Variants in RIPOR2 observed in about 807,000 individuals in gnomAD.
The protein encoded by RIPOR2 is RHO family interacting cell polarization regulator 2.
Under a neutral mutation model 114.5 loss-of-function variants are expected in RIPOR2, and 39 were observed. The observed-to-expected ratio is 0.34, with a 90% confidence interval of 0.26 to 0.44. RIPOR2 has a LOEUF of 0.44. Ranked by LOEUF, RIPOR2 falls within the 20% of genes least tolerant of loss-of-function variation. The pLI is 1.00. For missense variants in RIPOR2, 1,007 were observed against 1,255.1 expected, an observed-to-expected ratio of 0.80 and a Z score of 2.99; for synonymous variants, 445 against 484.4, an observed-to-expected ratio of 0.92 and a Z score of 1.07.
chr6:24,808,567 G>C (rs1283545944), intron 21 of RIPOR2, among the ~76,000 whole-genome samples: 1 of 151,964 alleles, frequency 6.6e-6, no homozygotes, highest in African/African-American at 2.4e-5. Context: ...CAATAAATGG[G>C]ATTTTCACAG....
intron 1 of RIPOR2, chr6:25,023,976 C>A: frequency 1.4e-6 from 1 of 734,256 alleles, no homozygotes; most frequent in Non-Finnish European, 2.5e-6. Flanking sequence ...TGGGAGTGAC[C>A]GGGATAGGAA....
intron 1 of RIPOR2, among the ~76,000 whole-genome samples, chr6:24,951,641 A>C (rs1406032404): frequency 6.6e-6 from 1 of 152,186 alleles, no homozygotes; most frequent in Non-Finnish European, 1.5e-5. Context: ...CTAAAAGAAA[A>C]CTGTGTAAGG....
At chr6:24,856,450 C>T (rs564670639) in intron 8 of RIPOR2, among the ~76,000 whole-genome samples, 6 of 152,200 alleles carry the variant, frequency 3.9e-5, no homozygotes, top group Non-Finnish European at 5.9e-5. Flanking sequence ...ATCCAAAGTG[C>T]TCTTTAAAAA....
chr6:24,830,257 C>T (rs994209661), intron 17 of RIPOR2, among the ~76,000 whole-genome samples: 7 of 152,140 alleles, frequency 4.6e-5, no homozygotes, highest in African/African-American at 7.2e-5. Context: ...TGAGCCACTG[C>T]GCCTGGCCAA....
intron 1 of RIPOR2, among the ~76,000 whole-genome samples, chr6:24,918,220 C>T (rs548071547): frequency 1.4e-4 from 22 of 152,160 alleles, no homozygotes; most frequent in Non-Finnish European, 2.5e-4. Context: ...CCTTGTAACT[C>T]GTCTCATTGT....
intron 1 of RIPOR2, among the ~76,000 whole-genome samples, chr6:24,931,373 T>C (rs955246055): frequency 1.3e-5 from 2 of 152,342 alleles, no homozygotes; most frequent in East Asian, 1.9e-4. Flanking sequence ...GAAAAAGTGC[T>C]AACTTACTTG....
At chr6:24,931,294 G>T (rs963878706) in intron 1 of RIPOR2, among the ~76,000 whole-genome samples, 2 of 151,690 alleles carry the variant, frequency 1.3e-5, no homozygotes, top group Admixed American at 1.3e-4. Flanking sequence ...AATTCTTTTT[G>T]TGTGTGTGTG....
intron 1 of RIPOR2, among the ~76,000 whole-genome samples, chr6:25,006,382 G>C (rs961212720): frequency 1.2e-4 from 19 of 152,202 alleles, no homozygotes; most frequent in African/African-American, 4.6e-4. Context: ...GTCTACAGGG[G>C]AAGATAGATC....
upstream of RIPOR2, among the ~76,000 whole-genome samples, chr6:24,939,724 A>G (rs1346872475): frequency 6.6e-6 from 1 of 152,214 alleles, no homozygotes; most frequent in Non-Finnish European, 1.5e-5. Context: ...TGAAACAACA[A>G]TGAAAGAATC....
intron 11 of RIPOR2, among the ~76,000 whole-genome samples, chr6:24,849,062 G>A (rs555743235): frequency 5.9e-4 from 90 of 152,228 alleles, no homozygotes; most frequent in African/African-American, 1.8e-3. Flanking sequence ...CTGCCACAAT[G>A]CCCAGCTAAT....
intron 1 of RIPOR2, among the ~76,000 whole-genome samples, chr6:24,973,574 T>A (rs1177721147): frequency 6.9e-6 from 1 of 144,160 alleles, no homozygotes; most frequent in East Asian, 2.0e-4. Flanking sequence ...TCTAGCCTAG[T>A]GACAGAGTGA....
At chr6:24,904,967 T>A (rs910236234) in intron 1 of RIPOR2, among the ~76,000 whole-genome samples, 1 of 151,942 alleles carries the variant, frequency 6.6e-6, no homozygotes, top group Non-Finnish European at 1.5e-5. Flanking sequence ...TAGAGATGAA[T>A]CTTCACCATG....
chr6:24,825,453 T>C, intron 18 of RIPOR2, 25 bp from the exon 19 acceptor site: 1 of 1,498,804 alleles, frequency 6.7e-7, no homozygotes, highest in Non-Finnish European at 9.1e-7. Context: ...GGAAGGAGAT[T>C]TCATGTTCTG....
At position 24,848,083 on chromosome 6, in the gene RIPOR2, A is replaced by G. The variant is rs562440381; in HGVS notation, c.1106T>C (p.Met369Thr). 4 of 1,613,932 alleles carry G rather than the reference A, an allele frequency of 2.5e-6. No homozygotes were observed. Among genetic ancestry groups the G allele is most frequent in the East Asian group, 2.2e-5 (1 of 44,864 alleles). ...GNKAAALQRR[M>T]SMYSQGTPET... is the part of the protein sequence containing the mutation. Reference sequence around the variant, plus strand: ...CGGGGTACCCTGGCTGTACATGGACATTCTCCTCTGAAGGGCTGCTGCCTT... The same window carrying G: ...CGGGGTACCCTGGCTGTACATGGACGTTCTCCTCTGAAGGGCTGCTGCCTT... The change falls in exon 12 of 22, where the codon ATG becomes ACG. Residue 369 changes from methionine (M) to threonine (T), a missense_variant. Transcript: ENST00000643898.
At chr6:24,926,065 G>A (rs1478528828) in intron 1 of RIPOR2, among the ~76,000 whole-genome samples, 2 of 152,048 alleles carry the variant, frequency 1.3e-5, no homozygotes, top group East Asian at 3.9e-4. Context: ...ACATTGTAGA[G>A]GCTTCATTTA....
At chr6:24,851,720 C>T (rs960982801) in intron 9 of RIPOR2, among the ~76,000 whole-genome samples, 1 of 151,502 alleles carries the variant, frequency 6.6e-6, no homozygotes, top group Admixed American at 6.6e-5. Flanking sequence ...TTATGATCAG[C>T]CATGATCCTG....
rs1374432452 is a variant in RIPOR2, at chr6:24,959,832, G to C, written c.76+82019C>G. Among the ~76,000 whole-genome samples the C allele has an allele frequency of 2.0e-5, 3 of 152,140 alleles. No homozygotes were observed. In the East Asian group the frequency reaches 5.8e-4, roughly 29 times the overall value. On this transcript the variant is annotated intron_variant, in intron 1 of 13. Transcript: ENST00000510784. ...CACGGGGAAGGTCTGTGGCTGTCTT[G>C]TGCTGCTTATGACTTGGTGGGAAAC...
At chr6:24,964,610 A>C (rs1773446087) in intron 1 of RIPOR2, among the ~76,000 whole-genome samples, 1 of 152,212 alleles carries the variant, frequency 6.6e-6, no homozygotes, top group Non-Finnish European at 1.5e-5. Flanking sequence ...ATTTGTGTAC[A>C]GGTTTTTGTG....
intron 1 of RIPOR2, among the ~76,000 whole-genome samples, chr6:25,005,737 A>ATATATG (rs1554130548): frequency 5.0e-5 from 6 of 120,138 alleles, no homozygotes; most frequent in Non-Finnish European, 9.0e-5. Context: ...ATATATATAT[A>ATATATG]TATACATTTA....
Sources: allele counts gnomAD v4.1 joint callset (sites outside exome capture counted in the v4.1 genomes callset), GRCh38; gene constraint gnomAD v4.1.1; transcripts MANE v1.5; gene names NCBI Gene and HGNC (gene_info 2026-07-23, HGNC 2026-07-21).